The following DNER variants were observed in gnomAD, a reference collection of about 807,000 sequenced individuals.
The protein encoded by DNER is delta and Notch-like epidermal growth factor-related receptor.
DNER carries 33 observed loss-of-function variants against 78.2 expected under a neutral mutation model. The ratio of observed to expected loss-of-function variants is 0.42; its 90% CI spans 0.32 to 0.56. DNER has a LOEUF of 0.56. DNER is among the 20% of genes least tolerant of loss of function. The probability of loss-of-function intolerance (pLI) is 0.11; values close to 1 mark genes in which losing one functional copy is unlikely to be tolerated. For synonymous variants in DNER, 417 were observed against 384.8 expected (o/e 1.08, Z -0.98); for missense variants, 918 against 975.3 (o/e 0.94, Z 0.78).
intron 11 of DNER, among the ~76,000 whole-genome samples, chr2:229,387,398 A>G (rs571303553): frequency 6.6e-6 from 1 of 152,024 alleles, no homozygotes; most frequent in African/African-American, 2.4e-5. Context: ...ATGGGTGCAG[A>G]AAACCACCAT....
chr2:229,550,466 A>C (rs1696711715), intron 4 of DNER, among the ~76,000 whole-genome samples: 1 of 152,080 alleles, frequency 6.6e-6, no homozygotes, highest in South Asian at 2.1e-4. Flanking sequence ...ACGTTTCCTC[A>C]CAATTTGTTC....
intron 1 of DNER, among the ~76,000 whole-genome samples, chr2:229,702,707 G>A (rs1446408219): frequency 6.6e-6 from 1 of 151,816 alleles, no homozygotes; most frequent in African/African-American, 2.4e-5. Context: ...CACGAGGTCA[G>A]GAGATCGAGA....
chr2:229,422,513 G>A (rs559153516), intron 8 of DNER, among the ~76,000 whole-genome samples: 32 of 152,248 alleles, frequency 2.1e-4, no homozygotes, highest in Middle Eastern at 3.4e-3. Context: ...AAGAGCGGTG[G>A]AGATGGCTGC....
At chr2:229,523,456 GT>G (rs1696142279) in intron 5 of DNER, among the ~76,000 whole-genome samples, 1 of 152,148 alleles carries the variant, frequency 6.6e-6, no homozygotes, top group Non-Finnish European at 1.5e-5. Context: ...TCCTCCCCGT[GT>G]CTTCACACAG....
chr2:229,569,594 C>T (rs986804643), intron 4 of DNER, among the ~76,000 whole-genome samples: 8 of 152,132 alleles, frequency 5.3e-5, no homozygotes, highest in South Asian at 2.1e-4. Context: ...AACCTATGCA[C>T]ATCTGCACAT....
chr2:229,384,473 C>G (rs1048571075), intron 11 of DNER, among the ~76,000 whole-genome samples: 2 of 152,114 alleles, frequency 1.3e-5, no homozygotes, highest in East Asian at 1.9e-4. Context: ...AATCCAGGAG[C>G]TGGTTTTTTG....
At chr2:229,586,301 T>G (rs1449587409) in intron 3 of DNER, among the ~76,000 whole-genome samples, 2 of 151,394 alleles carry the variant, frequency 1.3e-5, no homozygotes, top group Non-Finnish European at 2.9e-5. Flanking sequence ...GACAAATCCT[T>G]CCATAGCCAC....
At chr2:229,551,705 G>A (rs1415954726) in intron 4 of DNER, among the ~76,000 whole-genome samples, 3 of 151,966 alleles carry the variant, frequency 2.0e-5, no homozygotes, top group Non-Finnish European at 2.9e-5. Flanking sequence ...AGGCAGAGGT[G>A]GGCAGATCAC....
At chr2:229,632,099 C>T (rs770008514) in intron 1 of DNER, among the ~76,000 whole-genome samples, 6 of 152,300 alleles carry the variant, frequency 3.9e-5, no homozygotes, top group Non-Finnish European at 7.4e-5. Context: ...TTAATTAAAA[C>T]TTCAGCAGCA....
At chr2:229,608,950 C>T (rs6742437) in intron 1 of DNER, among the ~76,000 whole-genome samples, 6,828 of 152,220 alleles carry the variant, frequency 0.045, 457 homozygotes, top group African/African-American at 0.15. Flanking sequence ...TGGTCGGGCA[C>T]AGTGGCTCAC....
At chr2:229,426,454 A>G (rs925578509) in intron 8 of DNER, among the ~76,000 whole-genome samples, 19 of 150,824 alleles carry the variant, frequency 1.3e-4, no homozygotes, top group Non-Finnish European at 2.4e-4. Flanking sequence ...AAAAAAAAAA[A>G]AAAAAAAAAA....
intron 3 of DNER, among the ~76,000 whole-genome samples, chr2:229,587,965 T>C (rs940758861): frequency 6.6e-6 from 1 of 151,638 alleles, no homozygotes; most frequent in Non-Finnish European, 1.5e-5. Context: ...AATAAATAAA[T>C]AAATAAAAAT....
chr2:229,443,277 C>G lies in DNER; in HGVS notation c.1486+4039G>C, dbSNP rs79769491. Among the ~76,000 whole-genome samples the G allele has an allele frequency of 8.9e-3, 1,358 of 152,206 alleles. 26 individuals carry two copies. The highest frequency in any genetic ancestry group is 0.031 in the African/African-American group (1,291 of 41,522). On this transcript the variant is annotated intron_variant, in intron 8 of 12. Coordinates refer to ENST00000341772, the MANE Select transcript of DNER (RefSeq NM_139072.4). ...TCCTGCCAGGGACTCCTTCCAATAC[C>G]GGTCATGTACAGCTATTATCTGCAG... is the stretch of plus-strand genomic sequence containing the variant.
intron 1 of DNER, among the ~76,000 whole-genome samples, chr2:229,622,499 C>G (rs559367597): frequency 6.6e-6 from 1 of 152,154 alleles, no homozygotes. Context: ...GAACTTGATC[C>G]CCCCTCAGCC....
chr2:229,583,107 A>C (rs1697431745), intron 4 of DNER, among the ~76,000 whole-genome samples: 1 of 152,234 alleles, frequency 6.6e-6, no homozygotes, highest in African/African-American at 2.4e-5. Flanking sequence ...TGGAAAATCC[A>C]TCTCAATTAA....
At chr2:229,694,657 G>T (rs1699634631) in intron 1 of DNER, among the ~76,000 whole-genome samples, 1 of 152,202 alleles carries the variant, frequency 6.6e-6, no homozygotes, top group Non-Finnish European at 1.5e-5. Flanking sequence ...GGGACTTGTA[G>T]CCCCTTTGTT....
chr2:229,632,468 T>C (rs1254483495), intron 1 of DNER, among the ~76,000 whole-genome samples: 1 of 152,200 alleles, frequency 6.6e-6, no homozygotes, highest in Non-Finnish European at 1.5e-5. Flanking sequence ...GCTTGTCTCC[T>C]TAATAAAGCA....
intron 6 of DNER, among the ~76,000 whole-genome samples, chr2:229,495,615 G>A (rs958234230): frequency 2.0e-5 from 3 of 152,194 alleles, no homozygotes; most frequent in Admixed American, 2.0e-4. Flanking sequence ...CCTCAACCTA[G>A]GCCCACCCAC....
chr2:229,543,092 G>C (rs1468125852), intron 5 of DNER, among the ~76,000 whole-genome samples: 2 of 152,094 alleles, frequency 1.3e-5, no homozygotes, highest in East Asian at 3.9e-4. Context: ...TGTTAGCTCA[G>C]AGGCACCAGA....
Sources: gnomAD v4.1 joint callset for allele counts (sites outside exome capture counted in the v4.1 genomes callset) on GRCh38, gnomAD v4.1.1 for gene constraint, MANE v1.5 for transcripts, NCBI Gene and HGNC (gene_info 2026-07-23, HGNC 2026-07-21) for gene names.